The following UQCRC2 variants were observed in gnomAD, a reference collection of about 807,000 sequenced individuals.
UQCRC2 encodes ubiquinol-cytochrome c reductase core protein 2, also known as cytochrome b-c1 complex subunit 2, mitochondrial.
Under a neutral mutation model 55.6 loss-of-function variants are expected in UQCRC2, and 49 were observed. The observed-to-expected ratio is 0.88, with a 90% CI of 0.70 to 1.12. The LOEUF (loss-of-function observed/expected upper bound fraction) is 1.12. UQCRC2 is among the 50% of genes most tolerant of loss of function. The pLI, the probability that UQCRC2 is intolerant of heterozygous loss-of-function variation, is 0.00. For missense variants in UQCRC2, 506 were observed against 547.8 expected (o/e 0.92, Z 0.76); for synonymous variants, 193 against 192.0 (o/e 1.01, Z -0.04).
At chr16:21,966,035 TG>T (rs1308964297) in intron 7 of UQCRC2, among the ~76,000 whole-genome samples, 1 of 151,212 alleles carries the variant, frequency 6.6e-6, no homozygotes, top group Non-Finnish European at 1.5e-5. Context: ...TAATAGGGGC[TG>T]GGCCCAGTGG....
At chr16:21,957,638 G>A (rs1376858964) in intron 3 of UQCRC2, 72 bp downstream of exon 3, 19 of 1,555,248 alleles carry the variant, frequency 1.2e-5, no homozygotes, top group Middle Eastern at 1.7e-4. Context: ...GAAAAACTAA[G>A]ATCAATGTCT....
intron 4 of UQCRC2, 98 bp from the exon 5 acceptor site, chr16:21,962,362 G>A (rs1898224768): frequency 1.4e-6 from 2 of 1,444,544 alleles, no homozygotes; most frequent in South Asian, 2.4e-5. Flanking sequence ...TTATACTTCA[G>A]AAATTTTCTT....
intron 13 of UQCRC2, among the ~76,000 whole-genome samples, chr16:21,982,279 AC>A (rs1898751438): frequency 6.6e-6 from 1 of 152,140 alleles, no homozygotes; most frequent in Admixed American, 6.5e-5. Flanking sequence ...CTGCTGCTCC[AC>A]CTACACCTGA....
chr16:21,972,875 G>C (rs1173128072), intron 10 of UQCRC2, among the ~76,000 whole-genome samples: 1 of 152,216 alleles, frequency 6.6e-6, no homozygotes, highest in East Asian at 1.9e-4. Context: ...GCCAAGTTGG[G>C]CGGATCACAA....
intron 12 of UQCRC2, among the ~76,000 whole-genome samples, chr16:21,979,643 A>G: frequency 6.6e-6 from 1 of 152,226 alleles, no homozygotes; most frequent in Admixed American, 6.5e-5. Context: ...TTTATGGCAT[A>G]GCTCCTGCTT....
Position 21,971,516 on chromosome 16 carries a change from T to A in UQCRC2, c.671-9T>A. ...GGTTCTAGCTTTGTTTTTGCTTCTG[T>A]TGAAACAGGTGTGAGTCATCCTGTT... On this transcript the variant is annotated splice_polypyrimidine_tract_variant and intron_variant, in intron 8 of 13. Coordinates refer to ENST00000268379, the MANE Select transcript of UQCRC2 (RefSeq NM_003366.4). The A allele has an allele frequency of 6.2e-7, 1 of 1,601,504 alleles. No homozygotes were observed. The highest frequency in any genetic ancestry group is 8.5e-7 in the Non-Finnish European group (1 of 1,173,450).
intron 6 of UQCRC2, among the ~76,000 whole-genome samples, chr16:21,963,380 A>G (rs1754007146): frequency 6.6e-6 from 1 of 152,214 alleles, no homozygotes; most frequent in South Asian, 2.1e-4. Context: ...CTAAACATTT[A>G]TAATCATTTT....
intron 1 of UQCRC2, among the ~76,000 whole-genome samples, chr16:21,955,892 C>T (rs1292976982): frequency 6.6e-6 from 1 of 152,066 alleles, no homozygotes; most frequent in African/African-American, 2.4e-5. Flanking sequence ...ATGGCACAAT[C>T]TCGGCTCACT....
At chr16:21,957,664 T>A in intron 3 of UQCRC2, 98 bp downstream of exon 3, 6 of 1,479,000 alleles carry the variant, frequency 4.1e-6, no homozygotes, top group Non-Finnish European at 5.4e-6. Context: ...TTTTGATTCC[T>A]TGACCTGCCA....
At position 21,976,083 on chromosome 16, in the gene UQCRC2, T is replaced by G. The variant is rs1050576631; in HGVS notation, c.1048-84T>G. On this transcript the variant is annotated intron_variant, in intron 11 of 13. Transcript: ENST00000268379. The stretch of plus-strand genomic sequence containing the variant: ...TCTGGAACTAACCTTCCATCTGTGT[T>G]TTTGCCTCAGTAAAGAAGTGTGTCA... The G allele has an allele frequency of 4.7e-5, 41 of 875,706 alleles. No individual in the cohort carries two copies. The African/African-American group carries it at 6.6e-4, about 14-fold the overall frequency. The allele number at this position is 875,706 out of a possible 1,614,324, so 54.2% of individuals were successfully genotyped here. A position where few individuals can be genotyped will look rare whatever the true frequency, so the allele number is the denominator to read the frequency against.
intron 6 of UQCRC2, 113 bp from the exon 7 acceptor site, chr16:21,965,295 T>A: frequency 1.1e-6 from 1 of 869,768 alleles, no homozygotes; most frequent in Non-Finnish European, 1.9e-6. Context: ...CCTCTTAACA[T>A]ATGAATGCCA....
rs1208406946 is a variant in UQCRC2 at position 21,957,161 on chromosome 16, C to T, written c.34-74C>T. On this transcript the variant is annotated intron_variant, in intron 1 of 13. Transcript: ENST00000268379. ...CGAACACCCTCTGTCGCTTGGGTAC[C>T]CTAAGATACCATGCTTTTATATAAA... 7 of 1,481,450 alleles carry T rather than the reference C, an allele frequency of 4.7e-6. No individual in the cohort carries two copies. In the Admixed American group the frequency reaches 1.1e-4, roughly 24 times the overall value. 91.8% of individuals were successfully genotyped at this position (1,481,450 alleles called of 1,614,324 possible).
At position 21,983,169 on chromosome 16, in the gene UQCRC2, T is replaced by C; in HGVS notation, c.1360T>C (p.Ter454GlnextTer2). ...LGHTPFVDEL[*>Q] ...ACATACACCTTTTGTTGATGAGTTGTAATACTGATGCACACATTACAGGAG... is the reference window on the plus strand; with the variant it reads ...ACATACACCTTTTGTTGATGAGTTGCAATACTGATGCACACATTACAGGAG... Residue 454 changes from the stop codon to glutamine (Q), a stop_lost, in exon 14 of 14, where the codon TAA becomes CAA. Transcript: ENST00000268379. 1 of 1,613,820 alleles carries C rather than the reference T, an allele frequency of 6.2e-7. No homozygotes were observed. The highest frequency in any genetic ancestry group is 8.5e-7 in the Non-Finnish European group (1 of 1,179,720).
At chr16:21,971,115 C>T (rs1464328195) in intron 8 of UQCRC2, among the ~76,000 whole-genome samples, 12 of 151,998 alleles carry the variant, frequency 7.9e-5, no homozygotes, top group African/African-American at 2.7e-4. Flanking sequence ...AACATGCTAG[C>T]GTCCATTAGG....
Position 21,971,256 on chromosome 16 carries a change from A to G in UQCRC2, c.671-269A>G, listed in dbSNP as rs890929473. On this transcript the variant is annotated intron_variant, in intron 8 of 13. Coordinates refer to ENST00000268379, the MANE Select transcript of UQCRC2 (RefSeq NM_003366.4). ...GATAAGTTAGAAACAATATCAATAG[A>G]ATGATACCATTTTAGAAATAAATTG... Among the ~76,000 whole-genome samples the G allele has an allele frequency of 8.1e-4, 124 of 152,206 alleles. 10 individuals carry two copies.
chr16:21,968,629 T>TA lies in UQCRC2; in HGVS notation c.615dup (p.His206ThrfsTer30), dbSNP rs1348277262. 6.2e-7 allele frequency: 1 copy of TA among 1,606,676 alleles called. No homozygotes were observed. The highest frequency in any genetic ancestry group is 8.5e-7 in the Non-Finnish European group (1 of 1,176,664). On this transcript the variant is annotated frameshift_variant and splice_region_variant, in exon 8 of 14. Coordinates refer to ENST00000268379, the MANE Select transcript of UQCRC2 (RefSeq NM_003366.4). LOFTEE classifies it high-confidence loss of function. ...AATAAGTGTTTTTAACTTCCTCAGT[T>TA]ACATTACTTCGTTCAGAACCATTTC...
intron 6 of UQCRC2, among the ~76,000 whole-genome samples, chr16:21,963,718 C>G (rs1294919270): frequency 6.6e-6 from 1 of 152,124 alleles, no homozygotes; most frequent in Admixed American, 6.5e-5. Context: ...ATCCTCCCAC[C>G]TCAGCTTCCC....
chr16:21,960,932 G>A (rs1179018686), intron 4 of UQCRC2, among the ~76,000 whole-genome samples: 1 of 152,116 alleles, frequency 6.6e-6, no homozygotes, highest in East Asian at 1.9e-4. Flanking sequence ...CTGGGCCCAA[G>A]CGATTCTTCT....
chr16:21,974,017 A>G (rs764788140), intron 11 of UQCRC2, 41 bp downstream of exon 11: 2 of 1,503,964 alleles, frequency 1.3e-6, no homozygotes, highest in Admixed American at 2.1e-5. Flanking sequence ...TGAACAAGTT[A>G]TTTCTCCCCC....
Sources: allele counts gnomAD v4.1 joint callset (sites outside exome capture counted in the v4.1 genomes callset), GRCh38; gene constraint gnomAD v4.1.1; transcripts MANE v1.5; gene names NCBI Gene and HGNC (gene_info 2026-07-23, HGNC 2026-07-21).